The following DNER variants were observed in gnomAD, a reference collection of about 807,000 sequenced individuals.
DNER encodes delta/notch like EGF repeat containing.
In DNER, 33 loss-of-function variants were observed where a neutral mutation model predicts 78.2. That is an observed-to-expected ratio of 0.42 (90% CI 0.32 to 0.56). DNER has a LOEUF of 0.56. Ranked by LOEUF, DNER falls within the 20% of genes least tolerant of loss-of-function variation. The pLI is 0.11. For missense variants in DNER, 918 were observed against 975.3 expected (o/e 0.94, Z 0.78); for synonymous variants, 417 against 384.8 (o/e 1.08, Z -0.98).
At chr2:229,374,208 G>C (rs1203814160) in intron 11 of DNER, among the ~76,000 whole-genome samples, 1 of 151,976 alleles carries the variant, frequency 6.6e-6, no homozygotes, top group Non-Finnish European at 1.5e-5. Context: ...TGTGGATATA[G>C]AGGCCACAAC....
intron 1 of DNER, among the ~76,000 whole-genome samples, chr2:229,666,264 C>G (rs1261980304): frequency 6.6e-6 from 1 of 152,196 alleles, no homozygotes; most frequent in African/African-American, 2.4e-5. Flanking sequence ...TGGTCACCAT[C>G]ACACGAGAAA....
intron 10 of DNER, among the ~76,000 whole-genome samples, chr2:229,402,817 C>A (rs1446533955): frequency 3.9e-5 from 6 of 152,296 alleles, no homozygotes; most frequent in African/African-American, 1.4e-4. Context: ...AATTGCAAAG[C>A]TTCGGTGACA....
intron 1 of DNER, among the ~76,000 whole-genome samples, chr2:229,660,683 T>C (rs16826316): frequency 0.032 from 4,937 of 152,290 alleles, 205 homozygotes; most frequent in African/African-American, 0.093. Flanking sequence ...CATGTGATAC[T>C]AACAAATTCA....
chr2:229,478,959 C>T (rs966137136), intron 6 of DNER, among the ~76,000 whole-genome samples: 3 of 152,092 alleles, frequency 2.0e-5, no homozygotes, highest in African/African-American at 7.2e-5. Flanking sequence ...TGATGCTCTC[C>T]TTCCCCAAAC....
At chr2:229,630,786 C>G (rs1228220363) in intron 1 of DNER, among the ~76,000 whole-genome samples, 4 of 152,076 alleles carry the variant, frequency 2.6e-5, no homozygotes, top group South Asian at 2.1e-4. Context: ...CCCTTGCCCC[C>G]CTTCCTGCCT....
At chr2:229,668,516 ATGTGTGTGTG>A (rs60983481) in intron 1 of DNER, among the ~76,000 whole-genome samples, 16 of 59,988 alleles carry the variant, frequency 2.7e-4, no homozygotes, top group African/African-American at 4.5e-4. Flanking sequence ...ATAGGTAAGT[ATGTGTGTGTG>A]TGTGTGTGTG....
chr2:229,572,606 G>A (rs1420798288), intron 4 of DNER, among the ~76,000 whole-genome samples: 1 of 152,166 alleles, frequency 6.6e-6, no homozygotes, highest in Non-Finnish European at 1.5e-5. Flanking sequence ...AGGACAAGAA[G>A]AGAAAGGAAA....
At chr2:229,582,042 A>T (rs1697407421) in intron 4 of DNER, among the ~76,000 whole-genome samples, 1 of 152,230 alleles carries the variant, frequency 6.6e-6, no homozygotes, top group Non-Finnish European at 1.5e-5. Context: ...ACACAGCGAC[A>T]TAATTCTGAA....
At chr2:229,475,594 C>T (rs1559361764) in intron 7 of DNER, among the ~76,000 whole-genome samples, 1 of 152,212 alleles carries the variant, frequency 6.6e-6, no homozygotes, top group Non-Finnish European at 1.5e-5. Context: ...GCTCCTGGCA[C>T]AGTGCCTGGT....
intron 7 of DNER, among the ~76,000 whole-genome samples, chr2:229,462,318 T>C (rs1041557590): frequency 2.6e-5 from 4 of 152,066 alleles, no homozygotes; most frequent in African/African-American, 7.3e-5. Flanking sequence ...AAATACAGAA[T>C]AAAGTGACAC....
At chr2:229,707,904 G>C (rs766107779) in intron 1 of DNER, among the ~76,000 whole-genome samples, 87 of 152,196 alleles carry the variant, frequency 5.7e-4, no homozygotes, top group Non-Finnish European at 1.0e-3. Context: ...TGATGGGCCA[G>C]GCACTGGGCT....
At chr2:229,479,636 C>T (rs567340510) in intron 6 of DNER, among the ~76,000 whole-genome samples, 83 of 149,432 alleles carry the variant, frequency 5.6e-4, no homozygotes, top group Admixed American at 8.1e-4. Flanking sequence ...TCATTTGAAC[C>T]GAGGAGGTAG....
intron 1 of DNER, among the ~76,000 whole-genome samples, chr2:229,613,556 G>T (rs545033956): frequency 2.6e-4 from 39 of 151,988 alleles, no homozygotes; most frequent in African/African-American, 8.9e-4. Context: ...ACTTAGAAAA[G>T]TTCACAAACC....
intron 4 of DNER, among the ~76,000 whole-genome samples, chr2:229,563,571 C>T (rs1697017133): frequency 7.9e-6 from 1 of 125,998 alleles, no homozygotes; most frequent in Admixed American, 8.1e-5. Context: ...TCATCCTCAC[C>T]CCATTGCCAT....
intron 5 of DNER, among the ~76,000 whole-genome samples, chr2:229,546,407 A>C (rs1391703592): frequency 2.0e-5 from 3 of 151,646 alleles, no homozygotes; most frequent in Non-Finnish European, 4.4e-5. Flanking sequence ...GGCAACAAGG[A>C]ATTAGAAAAT....
intron 7 of DNER, among the ~76,000 whole-genome samples, chr2:229,458,133 C>A (rs1574852215): frequency 1.6e-4 from 1 of 6,390 alleles, no homozygotes; most frequent in East Asian, 3.0e-3. Flanking sequence ...AAGACTCTAT[C>A]TCAAAAAAAA....
At chr2:229,599,347 G>C (rs1697784253) in intron 1 of DNER, among the ~76,000 whole-genome samples, 1 of 152,254 alleles carries the variant, frequency 6.6e-6, no homozygotes, top group African/African-American at 2.4e-5. Flanking sequence ...ATTAAAGGAA[G>C]AGGGAGTGTC....
chr2:229,649,364 T>C (rs954264196), intron 1 of DNER, among the ~76,000 whole-genome samples: 3 of 152,222 alleles, frequency 2.0e-5, no homozygotes, highest in Non-Finnish European at 4.4e-5. Flanking sequence ...TTGTCCTCCA[T>C]AGAAAGGAAA....
rs575287785 is a variant in DNER, at chr2:229,491,782, T to C, written c.1148-14529A>G. On this transcript the variant is annotated intron_variant, in intron 6 of 12. Transcript: ENST00000341772. The stretch of plus-strand genomic sequence containing the variant: ...TTTCTCCTTCCCCTGTAGTTCAAAC[T>C]GATACTGTCTTTGATGGTAAAATCC... 3.5e-3 allele frequency among the ~76,000 whole-genome samples: 538 copies of C among 152,318 alleles called. 1 individual carries two copies. The highest frequency in any genetic ancestry group is 0.013 in the African/African-American group (520 of 41,574).
Sources: allele counts gnomAD v4.1 joint callset (sites outside exome capture counted in the v4.1 genomes callset), GRCh38; gene constraint gnomAD v4.1.1; transcripts MANE v1.5; gene names NCBI Gene and HGNC (gene_info 2026-07-23, HGNC 2026-07-21).